Variants in EDA observed in about 807,000 individuals in gnomAD.
EDA encodes ectodysplasin A, also known as ectodysplasin-A.
Under a neutral mutation model 23.6 loss-of-function variants are expected in EDA, and 2 were observed. The observed-to-expected ratio is 0.08, with a 90% CI of 0.03 to 0.27. The LOEUF is 0.27. Among genes scored for constraint, EDA ranks in the 10% least tolerant of loss-of-function variants. The pLI is 1.00. For synonymous variants in EDA, 131 were observed against 132.0 expected (o/e 0.99, Z 0.05); for missense variants, 229 against 324.2 (o/e 0.71, Z 2.26).
intron 1 of EDA, among the ~76,000 whole-genome samples, chrX:69,675,222 C>A (rs1266468421): frequency 3.6e-5 from 4 of 111,740 alleles, no homozygotes; most frequent in Non-Finnish European, 7.5e-5. Flanking sequence ...CTGAAGCAAT[C>A]TGCCCTCCTC....
chrX:69,822,401 T>C (rs1330793028), intron 1 of EDA, among the ~76,000 whole-genome samples: 1 of 111,588 alleles, frequency 9.0e-6, no homozygotes, highest in Admixed American at 9.6e-5. Flanking sequence ...GTAGTGTGTC[T>C]GGAGGAAGCA....
At position 69,793,564 on chromosome X, in the gene EDA, G is replaced by GTT. The variant is rs1362047098; in HGVS notation, c.397-163459_397-163458dup. Among the ~76,000 whole-genome samples, 325 of 32,780 alleles carry GTT rather than the reference G, an allele frequency of 9.9e-3. 7 individuals are homozygous for GTT. The highest frequency in any genetic ancestry group is 0.052 in the African/African-American group (302 of 5,827). 28.5% of individuals were successfully genotyped at this position (32,780 alleles called of 115,157 possible). On this transcript the variant is annotated intron_variant, in intron 1 of 7. Transcript: ENST00000374552. ...AATGGAGCTTTTTGTTTGTTTGTTTGTTTTTGTTTTTTTTTTTTTTTTTTT... is the reference window on the plus strand; with the variant it reads ...AATGGAGCTTTTTGTTTGTTTGTTTGTTTTTTTGTTTTTTTTTTTTTTTTTTT...
intron 1 of EDA, among the ~76,000 whole-genome samples, chrX:69,854,328 C>T (rs904995639): frequency 2.7e-5 from 3 of 110,524 alleles, no homozygotes; most frequent in African/African-American, 9.9e-5. Context: ...CGTGTAGCTG[C>T]GATTATAGGC....
At chrX:69,694,785 CAT>C (rs1170109953) in intron 1 of EDA, among the ~76,000 whole-genome samples, 7 of 111,957 alleles carry the variant, frequency 6.3e-5, no homozygotes, top group Non-Finnish European at 1.1e-4. Flanking sequence ...ATTTCTGAAA[CAT>C]GTATTAATAA....
At chrX:69,754,824 C>G (rs1347660973) in intron 1 of EDA, among the ~76,000 whole-genome samples, 1 of 111,977 alleles carries the variant, frequency 8.9e-6, no homozygotes. Flanking sequence ...CACTGATACC[C>G]TTTCTTCCAT....
chrX:69,798,962 A>G (rs373215364), intron 1 of EDA, among the ~76,000 whole-genome samples: 43 of 111,689 alleles, frequency 3.8e-4, no homozygotes, highest in African/African-American at 1.2e-3. Flanking sequence ...CCACAGACCT[A>G]TAGTAACCAA....
At chrX:69,951,411 C>T (rs59193925) in intron 1 of EDA, among the ~76,000 whole-genome samples, 4,078 of 110,652 alleles carry the variant, frequency 0.037, 184 homozygotes, top group African/African-American at 0.13. Flanking sequence ...TATAAGATAC[C>T]GAATCTCTGG....
chrX:69,698,583 G>T (rs1056362891), intron 1 of EDA, among the ~76,000 whole-genome samples: 1 of 111,501 alleles, frequency 9.0e-6, no homozygotes, highest in Admixed American at 9.5e-5. Context: ...GAAAAGTTCG[G>T]CCATACATGA....
intron 1 of EDA, among the ~76,000 whole-genome samples, chrX:69,819,133 A>G (rs2016150287): frequency 1.8e-5 from 2 of 112,444 alleles, no homozygotes; most frequent in African/African-American, 3.2e-5. Context: ...GATTATCTCA[A>G]TAGAAGCAGA....
At chrX:69,639,466 T>C (rs1932816160) in intron 1 of EDA, among the ~76,000 whole-genome samples, 1 of 112,267 alleles carries the variant, frequency 8.9e-6, no homozygotes, top group South Asian at 3.7e-4. Flanking sequence ...TCCTATTGTA[T>C]GTAAAGTGGT....
chrX:69,900,138 A>G (rs1422141828), intron 1 of EDA, among the ~76,000 whole-genome samples: 1 of 110,412 alleles, frequency 9.1e-6, no homozygotes, highest in Non-Finnish European at 1.9e-5. Context: ...TGCTATTATT[A>G]CCTTTATTAT....
At chrX:69,690,502 A>T (rs1358485622) in intron 1 of EDA, among the ~76,000 whole-genome samples, 4 of 111,635 alleles carry the variant, frequency 3.6e-5, no homozygotes, top group African/African-American at 9.7e-5. Context: ...TGGTCATGTT[A>T]TACAATCCTT....
At chrX:69,831,837 CT>C (rs1434340878) in intron 1 of EDA, among the ~76,000 whole-genome samples, 1 of 112,377 alleles carries the variant, frequency 8.9e-6, no homozygotes, top group African/African-American at 3.2e-5. Context: ...CATAGATGTC[CT>C]CTTTTGAGAA....
chrX:69,792,426 A>G (rs987989147), intron 1 of EDA, among the ~76,000 whole-genome samples: 20 of 112,196 alleles, frequency 1.8e-4, no homozygotes, highest in East Asian at 1.1e-3. Flanking sequence ...GCCACTATAA[A>G]TATGGATGTG....
intron 1 of EDA, among the ~76,000 whole-genome samples, chrX:69,779,175 G>GTA (rs2014870816): frequency 9.0e-6 from 1 of 111,133 alleles, no homozygotes; most frequent in African/African-American, 3.3e-5. Context: ...CCATTCTAAG[G>GTA]TATATACCCA....
intron 2 of EDA, among the ~76,000 whole-genome samples, chrX:69,981,216 G>C (rs905679182): frequency 9.0e-6 from 1 of 111,282 alleles, no homozygotes; most frequent in African/African-American, 3.3e-5. Flanking sequence ...ATAGGACCTT[G>C]GACATTATTG....
chrX:69,683,763 C>G (rs969680013), intron 1 of EDA, among the ~76,000 whole-genome samples: 2 of 111,941 alleles, frequency 1.8e-5, no homozygotes, highest in African/African-American at 6.5e-5. Flanking sequence ...TATTTATATA[C>G]TTAGTTGTAT....
At chrX:69,835,265 G>T (rs1032020189) in intron 1 of EDA, among the ~76,000 whole-genome samples, 1 of 111,669 alleles carries the variant, frequency 9.0e-6, no homozygotes, top group Admixed American at 9.5e-5. Context: ...GGCCTGCCTT[G>T]GTAGGTTGGG....
At chrX:69,779,525 GA>G (rs1443604561) in intron 1 of EDA, among the ~76,000 whole-genome samples, 2 of 111,181 alleles carry the variant, frequency 1.8e-5, no homozygotes, top group Admixed American at 1.9e-4. Flanking sequence ...ACTGGAGGTA[GA>G]TAGAAATAGG....
Sources: allele counts gnomAD v4.1 joint callset (sites outside exome capture counted in the v4.1 genomes callset), GRCh38; gene constraint gnomAD v4.1.1; transcripts MANE v1.5; gene names NCBI Gene and HGNC (gene_info 2026-07-23, HGNC 2026-07-21).